STARD13: variants seen among roughly 807,000 people sequenced by gnomAD.
STARD13 encodes the protein stAR-related lipid transfer protein 13.
A neutral mutation model predicts 106.4 loss-of-function variants in STARD13; 62 were observed. That is an observed-to-expected ratio of 0.58 (90% confidence interval 0.48 to 0.72). The LOEUF is 0.72. Ranked by LOEUF, STARD13 falls within the 30% of genes least tolerant of loss-of-function variation. The pLI, the probability that STARD13 is intolerant of heterozygous loss-of-function variation, is 0.00. For synonymous variants in STARD13, 565 were observed against 553.0 expected (o/e 1.02, Z -0.31); for missense variants, 1,387 against 1,424.0 (o/e 0.97, Z 0.42).
chr13:33,433,555 G>A, the STARD13 span, among the ~76,000 whole-genome samples: 4 of 152,126 alleles, frequency 2.6e-5, no homozygotes, highest in Non-Finnish European at 4.4e-5. Flanking sequence ...TTCCATCTGC[G>A]TATGCGGAGG....
At chr13:33,651,378 T>C in the STARD13 span, among the ~76,000 whole-genome samples, 1 of 152,240 alleles carries the variant, frequency 6.6e-6, no homozygotes, top group African/African-American at 2.4e-5. Flanking sequence ...ACTTTCGAAG[T>C]ATTACATTTC....
intron 13 of STARD13, 81 bp downstream of exon 13, chr13:33,106,677 A>C: frequency 5.4e-6 from 7 of 1,295,048 alleles, no homozygotes; most frequent in Non-Finnish European, 7.3e-6. Context: ...ATAAGAAATC[A>C]GGGTGACATC....
the STARD13 span, among the ~76,000 whole-genome samples, chr13:33,452,259 G>A: frequency 0.041 from 6,186 of 152,026 alleles, 295 homozygotes; most frequent in African/African-American, 0.11. Context: ...CAATAGTTGC[G>A]GGGCACACAT....
chr13:33,652,504 C>T, the STARD13 span, among the ~76,000 whole-genome samples: 1 of 152,168 alleles, frequency 6.6e-6, no homozygotes, highest in Non-Finnish European at 1.5e-5. Flanking sequence ...TATTCACAAT[C>T]TACTCCTCAT....
chr13:33,469,326 C>T, the STARD13 span, among the ~76,000 whole-genome samples: 1 of 152,162 alleles, frequency 6.6e-6, no homozygotes, highest in Non-Finnish European at 1.5e-5. Context: ...TAGATGGCCA[C>T]TTCCCATTAT....
chr13:33,517,460 G>C, the STARD13 span, among the ~76,000 whole-genome samples: 1 of 152,156 alleles, frequency 6.6e-6, no homozygotes, highest in Admixed American at 6.5e-5. Context: ...TTAAACCAAA[G>C]TTGGCAGAAC....
At chr13:33,154,213 T>A (rs1210995829) in intron 3 of STARD13, among the ~76,000 whole-genome samples, 2 of 152,010 alleles carry the variant, frequency 1.3e-5, no homozygotes, top group African/African-American at 4.8e-5. Flanking sequence ...CAGTCAGAAG[T>A]CAGAAGTCAG....
chr13:33,207,947 C>T, intron 1 of STARD13, among the ~76,000 whole-genome samples: 1 of 152,200 alleles, frequency 6.6e-6, no homozygotes, highest in African/African-American at 2.4e-5. Flanking sequence ...AGCTTCTGTG[C>T]TCTTGACTAA....
At chr13:33,498,622 A>T in the STARD13 span, among the ~76,000 whole-genome samples, 2 of 152,234 alleles carry the variant, frequency 1.3e-5, no homozygotes, top group Admixed American at 6.5e-5. Context: ...TTAAAATAAC[A>T]TCTTTGCAAG....
intron 1 of STARD13, among the ~76,000 whole-genome samples, chr13:33,172,650 T>A (rs909515758): frequency 2.6e-5 from 4 of 152,238 alleles, no homozygotes; most frequent in African/African-American, 9.6e-5. Flanking sequence ...CTAAGCATTT[T>A]AAGTATGTAC....
At chr13:33,460,287 A>G in the STARD13 span, among the ~76,000 whole-genome samples, 1 of 151,788 alleles carries the variant, frequency 6.6e-6, no homozygotes, top group Non-Finnish European at 1.5e-5. Context: ...GGAGATGGAG[A>G]CCATCCTGGC....
intron 1 of STARD13, among the ~76,000 whole-genome samples, chr13:33,208,278 C>T (rs1187756912): frequency 1.3e-5 from 2 of 152,010 alleles, no homozygotes; most frequent in African/African-American, 4.8e-5. Flanking sequence ...ATCTAGAAAA[C>T]ATGGCGGGGT....
At chr13:33,228,784 A>C (rs1035465695) in intron 1 of STARD13, among the ~76,000 whole-genome samples, 7 of 152,100 alleles carry the variant, frequency 4.6e-5, no homozygotes, top group South Asian at 2.1e-4. Context: ...CATCACGTAG[A>C]GTCTGATAAC....
At chr13:33,608,946 C>T in the STARD13 span, among the ~76,000 whole-genome samples, 2 of 151,416 alleles carry the variant, frequency 1.3e-5, no homozygotes, top group African/African-American at 2.4e-5. Flanking sequence ...ATTAGCCGGG[C>T]GTGGTGGCGG....
the STARD13 span, among the ~76,000 whole-genome samples, chr13:33,579,649 A>C: frequency 6.7e-6 from 1 of 148,986 alleles, no homozygotes; most frequent in African/African-American, 2.4e-5. Flanking sequence ...TATATATATA[A>C]TTTATATATT....
chr13:33,514,432 T>C, the STARD13 span, among the ~76,000 whole-genome samples: 1 of 152,126 alleles, frequency 6.6e-6, no homozygotes, highest in African/African-American at 2.4e-5. Flanking sequence ...GTTGGGCTTG[T>C]TACCTAGTTA....
At chr13:33,418,596 A>C in the STARD13 span, among the ~76,000 whole-genome samples, 1 of 152,228 alleles carries the variant, frequency 6.6e-6, no homozygotes, top group Non-Finnish European at 1.5e-5. Context: ...TGGTTCTCCC[A>C]GCATGGTGTT....
intron 2 of STARD13, among the ~76,000 whole-genome samples, chr13:33,165,763 G>T (rs1231581269): frequency 2.0e-5 from 3 of 152,164 alleles, no homozygotes; most frequent in African/African-American, 7.2e-5. Flanking sequence ...TAGGTCACTG[G>T]CGTCTATCTT....
Position 33,167,567 on chromosome 13 carries a change from G to A in STARD13, c.225C>T (p.Tyr75=), listed in dbSNP as rs763387562. The A allele has an allele frequency of 2.5e-4, 405 of 1,614,070 alleles. No individual in the cohort carries two copies. Among genetic ancestry groups the A allele is most frequent in the Non-Finnish European group, 3.3e-4 (384 of 1,180,020 alleles). ...CTGACGTACCCTCATATAACTGAGC[G>A]TATTGCGGGAACCCGGCAGCACGGA... ...DWLRAAGFPQ[Y]AQLYEDSQFP... The change falls in exon 2 of 14, where the codon TAC becomes TAT. Residue 75 remains tyrosine, a synonymous_variant. Coordinates refer to ENST00000336934, the MANE Select transcript of STARD13 (RefSeq NM_178006.4).
Sources: allele counts gnomAD v4.1 joint callset (sites outside exome capture counted in the v4.1 genomes callset), GRCh38; gene constraint gnomAD v4.1.1; transcripts MANE v1.5; gene names NCBI Gene and HGNC (gene_info 2026-07-23, HGNC 2026-07-21).